Variants in XKR4 observed in about 807,000 individuals in gnomAD.
XKR4 encodes the protein XK related 4.
XKR4 carries 12 observed loss-of-function variants against 53.9 expected under a neutral mutation model. That is an observed-to-expected ratio of 0.22 (90% CI 0.14 to 0.36). The LOEUF (loss-of-function observed/expected upper bound fraction) is 0.36. Ranked by LOEUF, XKR4 falls within the 10% of genes least tolerant of loss-of-function variation. XKR4 has a pLI of 1.00. For missense variants in XKR4, 799 were observed against 859.5 expected, an observed-to-expected ratio of 0.93 and a Z score of 0.88; for synonymous variants, 354 against 362.4, an observed-to-expected ratio of 0.98 and a Z score of 0.26.
At chr8:55,451,243 T>A in intron 2 of XKR4, 1 of 574,226 alleles carries the variant, frequency 1.7e-6, no homozygotes, top group Non-Finnish European at 3.1e-6. Flanking sequence ...CCAAGCCCAC[T>A]GCTGCGCCCA....
intron 2 of XKR4, among the ~76,000 whole-genome samples, chr8:55,435,070 A>G (rs995782227): frequency 1.3e-5 from 2 of 152,176 alleles, no homozygotes; most frequent in African/African-American, 4.8e-5. Flanking sequence ...TACACACACA[A>G]TGGAAACAGA....
rs767499580 is a variant in XKR4 at position 55,103,187 on chromosome 8, C to A, written c.699C>A (p.Ser233Arg). 6.2e-7 allele frequency: 1 copy of A among 1,614,066 alleles called. No individual in the cohort carries two copies. The highest frequency in any genetic ancestry group is 1.7e-5 in the Admixed American group (1 of 60,032). ...NIAAANSGSNSSGATRASGKH... is the reference protein window; with the variant it reads ...NIAAANSGSNRSGATRASGKH... ...CCGCGGCCAACAGCGGCAGCAACAGCAGCGGGGCTACCCGGGCCAGTGGCA... is the reference window on the plus strand; with the variant it reads ...CCGCGGCCAACAGCGGCAGCAACAGAAGCGGGGCTACCCGGGCCAGTGGCA... The change falls in exon 1 of 3, where the codon AGC becomes AGA. Residue 233 changes from serine (S) to arginine (R), a missense_variant. Ser to Arg is a moderately radical substitution (Grantham distance 110). This residue lies in a region of XKR4 where 476 missense variants were observed against 505.4 expected (regional missense o/e 0.94). Coordinates refer to ENST00000327381, the MANE Select transcript of XKR4 (RefSeq NM_052898.2).
chr8:55,131,611 T>G (rs1448403318), intron 1 of XKR4, among the ~76,000 whole-genome samples: 1 of 152,194 alleles, frequency 6.6e-6, no homozygotes, highest in Non-Finnish European at 1.5e-5. Context: ...CTGAACTGAG[T>G]GGAGTTAAAT....
At chr8:55,184,491 G>C (rs1817351836) in intron 1 of XKR4, among the ~76,000 whole-genome samples, 1 of 152,172 alleles carries the variant, frequency 6.6e-6, no homozygotes, top group African/African-American at 2.4e-5. Flanking sequence ...CCTTTGCTGG[G>C]AGAATTTTAC....
intron 2 of XKR4, among the ~76,000 whole-genome samples, chr8:55,441,991 GATTATA>G (rs1805275929): frequency 6.6e-6 from 1 of 151,764 alleles, no homozygotes; most frequent in Non-Finnish European, 1.5e-5. Context: ...AAAAAAATGA[GATTATA>G]ATTATGAAAA....
At chr8:55,401,508 G>T (rs1347340592) in intron 2 of XKR4, among the ~76,000 whole-genome samples, 1 of 152,264 alleles carries the variant, frequency 6.6e-6, no homozygotes, top group Non-Finnish European at 1.5e-5. Context: ...GCTGTCCACA[G>T]CTGCGGCTAT....
rs577514234 is a variant in XKR4 at position 55,132,020 on chromosome 8, T to C, written c.806+28726T>C. Among the ~76,000 whole-genome samples the C allele has an allele frequency of 3.3e-5, 5 of 152,166 alleles. No homozygotes were observed. In the South Asian group the frequency reaches 1.0e-3, roughly 32 times the overall value. Reference sequence around the variant, plus strand: ...CAGGTGTAGCGCAGAGCCCGAAGGGTGTGGCACTACCAGATCATTGGTCAG... The same window carrying C: ...CAGGTGTAGCGCAGAGCCCGAAGGGCGTGGCACTACCAGATCATTGGTCAG... On this transcript the variant is annotated intron_variant, in intron 1 of 2. Transcript: ENST00000327381.
At chr8:55,470,701 C>A (rs981382712) in intron 2 of XKR4, among the ~76,000 whole-genome samples, 2 of 152,134 alleles carry the variant, frequency 1.3e-5, no homozygotes, top group Admixed American at 1.3e-4. Flanking sequence ...AAGTTTGGAA[C>A]AATAACTATC....
At chr8:55,319,440 A>T (rs1429576732) in intron 1 of XKR4, among the ~76,000 whole-genome samples, 1 of 152,240 alleles carries the variant, frequency 6.6e-6, no homozygotes, top group Non-Finnish European at 1.5e-5. Flanking sequence ...CATACCATTG[A>T]ACTCCAAAAG....
intron 1 of XKR4, among the ~76,000 whole-genome samples, chr8:55,212,983 T>C (rs769005606): frequency 6.6e-6 from 1 of 152,232 alleles, no homozygotes; most frequent in Non-Finnish European, 1.5e-5. Flanking sequence ...AAAGGTATTA[T>C]TATCTTTAAA....
intron 2 of XKR4, among the ~76,000 whole-genome samples, chr8:55,513,120 G>A (rs1806653148): frequency 2.0e-5 from 3 of 152,170 alleles, no homozygotes; most frequent in African/African-American, 2.4e-5. Context: ...CATCTTCTGG[G>A]CCCCCTTCCA....
At chr8:55,421,663 T>A (rs533441447) in intron 2 of XKR4, among the ~76,000 whole-genome samples, 31 of 152,336 alleles carry the variant, frequency 2.0e-4, no homozygotes, top group African/African-American at 7.2e-4. Flanking sequence ...CTGAATAATT[T>A]GGGCTACACG....
At chr8:55,109,872 A>G (rs1219762047) in intron 1 of XKR4, among the ~76,000 whole-genome samples, 1 of 152,224 alleles carries the variant, frequency 6.6e-6, no homozygotes, top group Non-Finnish European at 1.5e-5. Flanking sequence ...TTCATGATTG[A>G]GTATCCAAGC....
At chr8:55,350,148 A>T (rs1382814586) in intron 1 of XKR4, among the ~76,000 whole-genome samples, 1 of 152,224 alleles carries the variant, frequency 6.6e-6, no homozygotes, top group Non-Finnish European at 1.5e-5. Flanking sequence ...ATCATTGGGC[A>T]TTTGGGTTTT....
intron 1 of XKR4, among the ~76,000 whole-genome samples, chr8:55,215,921 G>T (rs1817790548): frequency 6.6e-6 from 1 of 152,144 alleles, no homozygotes; most frequent in African/African-American, 2.4e-5. Context: ...CGATTGAAAA[G>T]AAACTGTTTT....
chr8:55,207,753 A>G (rs898773420), intron 1 of XKR4, among the ~76,000 whole-genome samples: 1 of 152,136 alleles, frequency 6.6e-6, no homozygotes, highest in Admixed American at 6.5e-5. Context: ...GAAGAAAAAG[A>G]GGAATACAGG....
chr8:55,332,778 T>G (rs1803399777), intron 1 of XKR4, among the ~76,000 whole-genome samples: 2 of 152,126 alleles, frequency 1.3e-5, no homozygotes, highest in Non-Finnish European at 2.9e-5. Context: ...ATTCAGGAAG[T>G]TTTTGGCCAT....
At chr8:55,249,464 C>T (rs774418191) in intron 1 of XKR4, among the ~76,000 whole-genome samples, 2 of 152,156 alleles carry the variant, frequency 1.3e-5, no homozygotes, top group Non-Finnish European at 2.9e-5. Context: ...TTCTCATGAT[C>T]GACCCTGTCC....
chr8:55,109,518 G>A (rs1470635681), intron 1 of XKR4, among the ~76,000 whole-genome samples: 2 of 152,076 alleles, frequency 1.3e-5, no homozygotes, highest in Non-Finnish European at 2.9e-5. Context: ...TTAGCTGACA[G>A]GTATAAATCC....
Sources: gnomAD v4.1 joint callset for allele counts (sites outside exome capture counted in the v4.1 genomes callset) on GRCh38, gnomAD v4.1.1 for gene constraint, gnomAD v4.1.1 regional missense constraint, MANE v1.5 for transcripts, NCBI Gene and HGNC (gene_info 2026-07-23, HGNC 2026-07-21) for gene names.